The following ROBO2 variants were observed in gnomAD, a reference collection of about 807,000 sequenced individuals.
The protein encoded by ROBO2 is roundabout guidance receptor 2.
Under a neutral mutation model 160.8 loss-of-function variants are expected in ROBO2, and 53 were observed. The observed-to-expected ratio is 0.33, with a 90% CI of 0.26 to 0.41. The LOEUF is 0.41. ROBO2 is among the 10% of genes least tolerant of loss of function. The pLI, the probability that ROBO2 is intolerant of heterozygous loss-of-function variation, is 1.00. For missense variants in ROBO2, 1,577 were observed against 1,722.4 expected, an observed-to-expected ratio of 0.92 and a Z score of 1.49; for synonymous variants, 664 against 611.7, an observed-to-expected ratio of 1.09 and a Z score of -1.26.
In ROBO2 at chr3:76,682,723, T is replaced by C. The variant is rs1298856186; in HGVS notation, c.110-415291T>C. ...GCCCGGCCCAAAAATTTCTTTAAAA[T>C]TGAAAAAGAATGACATATGTAAGCT... On this transcript the variant is annotated intron_variant, in intron 2 of 26. Coordinates refer to the ROBO2 transcript ENST00000487694. 2.6e-5 allele frequency among the ~76,000 whole-genome samples: 4 copies of C among 152,230 alleles called. 1 individual carries two copies. Among genetic ancestry groups the C allele is most frequent in the South Asian group, 4.1e-4 (2 of 4,826 alleles).
intron 11 of ROBO2, 118 bp from the exon 13 acceptor site, chr3:77,564,836 T>TTGTGTG (rs3832237): frequency 6.4e-6 from 5 of 786,056 alleles, no homozygotes; most frequent in East Asian, 2.8e-5. Context: ...ACTTCAAGTG[T>TTGTGTG]TGTGTGTGTG....
In ROBO2 at chr3:76,866,060, T is replaced by C. The variant is rs187191494; in HGVS notation, c.110-231954T>C. Among the ~76,000 whole-genome samples the C allele has an allele frequency of 3.4e-3, 510 of 152,178 alleles. 3 individuals are homozygous for C. Among genetic ancestry groups the C allele is most frequent in the Non-Finnish European group, 6.1e-3 (412 of 67,950 alleles). ...ATTGCTTTTATTTGATCTTTTCCTA[T>C]CTAAAAACTGCCTTGAGGGTGCATG... On this transcript the variant is annotated intron_variant, in intron 2 of 26. Transcript: ENST00000487694.
At chr3:77,336,251 C>T (rs2153447478) in intron 2 of ROBO2, among the ~76,000 whole-genome samples, 1 of 152,226 alleles carries the variant, frequency 6.6e-6, no homozygotes, top group East Asian at 1.9e-4. Flanking sequence ...CAGAGTATCA[C>T]ATCATGGAAG....
chr3:76,227,349 T>C (rs528196868), intron 2 of ROBO2, among the ~76,000 whole-genome samples: 2 of 152,326 alleles, frequency 1.3e-5, no homozygotes, highest in East Asian at 3.9e-4. Context: ...CACCCATGTT[T>C]CAGCATTCCT....
intron 2 of ROBO2, among the ~76,000 whole-genome samples, chr3:77,339,485 G>A (rs1196849355): frequency 3.3e-5 from 5 of 152,072 alleles, no homozygotes; most frequent in Non-Finnish European, 5.9e-5. Context: ...GTGCTGAACA[G>A]GAAATTTCGA....
chr3:76,493,016 G>C (rs1300666526), intron 2 of ROBO2, among the ~76,000 whole-genome samples: 1 of 151,812 alleles, frequency 6.6e-6, no homozygotes, highest in Non-Finnish European at 1.5e-5. Flanking sequence ...TGAAGTATTT[G>C]CACTCACTGG....
At chr3:76,580,328 G>GTTTTTTTTTTTTTTTTTTTT (rs748888426) in intron 2 of ROBO2, among the ~76,000 whole-genome samples, 2 of 67,322 alleles carry the variant, frequency 3.0e-5, no homozygotes, top group African/African-American at 7.1e-5. Context: ...TTTTTTTTTT[G>GTTTTTTTTTTTTTTTTTTTT]TTTTTTTTTT....
rs567565885 is a variant in ROBO2 at position 77,294,560 on chromosome 3, G to T, written c.389-182854G>T. On this transcript the variant is annotated intron_variant, in intron 2 of 25. Coordinates refer to ENST00000461745, the Ensembl canonical transcript of ROBO2. ...GAGGCTAGATCCCTAAAGACATAAA[G>T]TAAAATTGACGGTTAAACAGGTAAG... Among the ~76,000 whole-genome samples the T allele has an allele frequency of 2.7e-4, 39 of 143,146 alleles. 1 individual carries two copies. The highest frequency in any genetic ancestry group is 2.6e-3 in the Admixed American group (38 of 14,518). 93.9% of individuals were successfully genotyped at this position (143,146 alleles called of 152,430 possible). A position where few individuals can be genotyped will look rare whatever the true frequency, so the allele number is the denominator to read the frequency against.
intron 2 of ROBO2, among the ~76,000 whole-genome samples, chr3:77,370,560 A>C (rs1333692354): frequency 6.6e-6 from 1 of 152,112 alleles, no homozygotes; most frequent in African/African-American, 2.4e-5. Flanking sequence ...GGCTGATTCC[A>C]ATTTAGATCC....
intron 2 of ROBO2, among the ~76,000 whole-genome samples, chr3:76,200,734 T>C (rs995368312): frequency 8.5e-5 from 13 of 152,216 alleles, no homozygotes; most frequent in African/African-American, 2.9e-4. Context: ...GATTATCCTA[T>C]AGTAGGGTGG....
At chr3:76,167,909 T>C (rs1272144101) in intron 2 of ROBO2, among the ~76,000 whole-genome samples, 1 of 152,178 alleles carries the variant, frequency 6.6e-6, no homozygotes, top group East Asian at 1.9e-4. Flanking sequence ...TGTAAGGTAA[T>C]CATTCCTGGT....
At chr3:77,509,611 C>G (rs1412053826) in intron 5 of ROBO2, among the ~76,000 whole-genome samples, 1 of 151,986 alleles carries the variant, frequency 6.6e-6, no homozygotes, top group Non-Finnish European at 1.5e-5. Flanking sequence ...GTTCAAAGTT[C>G]AGTAAACAGA....
chr3:76,553,376 C>T (rs530610972), intron 2 of ROBO2, among the ~76,000 whole-genome samples: 22 of 152,244 alleles, frequency 1.4e-4, no homozygotes, highest in African/African-American at 5.1e-4. Context: ...ATGTCACATG[C>T]TACCCGGTTT....
intron 2 of ROBO2, among the ~76,000 whole-genome samples, chr3:76,685,589 C>G (rs2107064333): frequency 1.3e-5 from 2 of 152,160 alleles, no homozygotes; most frequent in Middle Eastern, 6.8e-3. Context: ...TTCATGAATT[C>G]TGGGTTTTTC....
chr3:76,047,053 T>C (rs1354107918), intron 2 of ROBO2, among the ~76,000 whole-genome samples: 6 of 152,174 alleles, frequency 3.9e-5, no homozygotes, highest in Non-Finnish European at 8.8e-5. Flanking sequence ...GGAACAGAAG[T>C]GATATATAAG....
chr3:76,065,967 T>C (rs988442797), intron 2 of ROBO2, among the ~76,000 whole-genome samples: 1 of 147,336 alleles, frequency 6.8e-6, no homozygotes, highest in African/African-American at 2.5e-5. Context: ...CTGCTCTTAA[T>C]TGAACCCTAA....
At chr3:76,632,238 A>G (rs916186937) in intron 2 of ROBO2, among the ~76,000 whole-genome samples, 2 of 152,180 alleles carry the variant, frequency 1.3e-5, no homozygotes, top group East Asian at 1.9e-4. Context: ...TAATGTCCTC[A>G]TCTGTAAATG....
At chr3:76,322,653 G>A (rs917294207) in intron 2 of ROBO2, among the ~76,000 whole-genome samples, 7 of 152,178 alleles carry the variant, frequency 4.6e-5, no homozygotes, top group Middle Eastern at 3.4e-3. Flanking sequence ...TTAAAAAGAA[G>A]CGGCGAAGTT....
At chr3:77,522,415 C>T (rs2090695343) in intron 5 of ROBO2, among the ~76,000 whole-genome samples, 1 of 151,074 alleles carries the variant, frequency 6.6e-6, no homozygotes, top group South Asian at 2.1e-4. Flanking sequence ...CACAATGTGA[C>T]TAACAAACTA....
Sources: allele counts gnomAD v4.1 joint callset (sites outside exome capture counted in the v4.1 genomes callset), GRCh38; gene constraint gnomAD v4.1.1; transcripts MANE v1.5; gene names NCBI Gene and HGNC (gene_info 2026-07-23, HGNC 2026-07-21).